PRLR: variants seen among roughly 807,000 people sequenced by gnomAD.
PRLR encodes the protein prolactin receptor.
Under a neutral mutation model 40.2 loss-of-function variants are expected in PRLR, and 13 were observed. The ratio of observed to expected loss-of-function variants is 0.32; its 90% CI spans 0.21 to 0.51. The LOEUF (loss-of-function observed/expected upper bound fraction) is 0.51. Among genes scored for constraint, PRLR ranks in the 20% least tolerant of loss-of-function variants. The pLI, the probability that PRLR is intolerant of heterozygous loss-of-function variation, is 0.97. For missense variants in PRLR, 656 were observed against 747.3 expected (o/e 0.88, Z 1.42); for synonymous variants, 269 against 278.7 (o/e 0.97, Z 0.35).
intron 1 of PRLR, among the ~76,000 whole-genome samples, chr5:35,226,797 G>A (rs1387276369): frequency 6.6e-6 from 1 of 152,150 alleles, no homozygotes; most frequent in African/African-American, 2.4e-5. Context: ...TTTTATTTAT[G>A]TATTTGTTCA....
intron 1 of PRLR, among the ~76,000 whole-genome samples, chr5:35,211,673 G>A (rs1463754985): frequency 6.6e-6 from 1 of 152,112 alleles, no homozygotes; most frequent in Non-Finnish European, 1.5e-5. Context: ...TCACAAGTAC[G>A]CTAAATAAGG....
intron 1 of PRLR, among the ~76,000 whole-genome samples, chr5:35,149,445 C>T (rs1262028131): frequency 1.3e-5 from 2 of 151,908 alleles, no homozygotes; most frequent in Non-Finnish European, 2.9e-5. Context: ...TTGATAATAA[C>T]CTTTGATAAT....
Position 35,083,054 on chromosome 5 carries a change from T to C in PRLR, c.373+1416A>G, listed in dbSNP as rs534251095. ...TTTTGCCTTCAAATATTATAATGCT[T>C]GAGGGTAAGGCAATACACACACACA... On this transcript the variant is annotated intron_variant, in intron 5 of 9. Coordinates refer to ENST00000618457, the MANE Select transcript of PRLR (RefSeq NM_000949.7). 2.7e-5 allele frequency among the ~76,000 whole-genome samples: 4 copies of C among 147,832 alleles called. No individual in the cohort carries two copies. In the East Asian group the frequency reaches 7.9e-4, roughly 29 times the overall value.
At chr5:35,178,559 C>A (rs556261202) in intron 1 of PRLR, among the ~76,000 whole-genome samples, 1 of 152,254 alleles carries the variant, frequency 6.6e-6, no homozygotes, top group Admixed American at 6.5e-5. Context: ...TCTGCCATTA[C>A]ATAAAATGTA....
intron 1 of PRLR, among the ~76,000 whole-genome samples, chr5:35,156,341 A>C (rs1774506384): frequency 6.6e-6 from 1 of 152,042 alleles, no homozygotes; most frequent in Admixed American, 6.5e-5. Context: ...TTAGCCTCCC[A>C]ATGGGTCTCT....
chr5:35,175,525 G>A (rs183615046), intron 1 of PRLR, among the ~76,000 whole-genome samples: 12 of 152,274 alleles, frequency 7.9e-5, no homozygotes, highest in African/African-American at 2.4e-4. Flanking sequence ...AGTGACTTAC[G>A]GAGAGTGTAG....
At chr5:35,118,993 G>C (rs1773177584) in intron 1 of PRLR, among the ~76,000 whole-genome samples, 1 of 151,932 alleles carries the variant, frequency 6.6e-6, no homozygotes, top group Admixed American at 6.6e-5. Context: ...ATGGGGTTTT[G>C]CCATGTTGGC....
In PRLR at chr5:35,062,514, G is replaced by C. The variant is rs1012124675; in HGVS notation, c.*2575C>G. The C allele has an allele frequency of 7.1e-6, 1 of 141,144 alleles. No individual in the cohort carries two copies. Among genetic ancestry groups the C allele is most frequent in the Non-Finnish European group, 1.5e-5 (1 of 67,060 alleles). 8.7% of individuals were successfully genotyped at this position (141,144 alleles called of 1,614,324 possible). On this transcript the variant is annotated 3_prime_UTR_variant, in exon 10 of 10. Coordinates refer to ENST00000618457, the MANE Select transcript of PRLR (RefSeq NM_000949.7). Reference sequence around the variant, plus strand: ...AATTGATCATAGAATTAAAGTCTTGGCCTAATGAGTGGCTAATTGTTTTTT... The same window carrying C: ...AATTGATCATAGAATTAAAGTCTTGCCCTAATGAGTGGCTAATTGTTTTTT...
chr5:35,182,423 A>G lies in PRLR; in HGVS notation c.-106+47845T>C, dbSNP rs181886042. ...AGAAGGAAGGAACAACAGAGAAAGA[A>G]GCAATAAAGAAGAAGGCAATCAGAA... On this transcript the variant is annotated intron_variant, in intron 1 of 9. Coordinates refer to ENST00000618457, the MANE Select transcript of PRLR (RefSeq NM_000949.7). 1.7e-3 allele frequency among the ~76,000 whole-genome samples: 255 copies of G among 152,350 alleles called. 2 individuals are homozygous for G. Among genetic ancestry groups the G allele is most frequent in the Middle Eastern group, 0.01 (3 of 294 alleles).
At chr5:35,091,335 G>A (rs535249764) in intron 2 of PRLR, among the ~76,000 whole-genome samples, 23 of 152,234 alleles carry the variant, frequency 1.5e-4, no homozygotes, top group Admixed American at 5.9e-4. Flanking sequence ...ACTCCTACTG[G>A]GTTTAAAATA....
chr5:35,176,749 G>T (rs1195736677), intron 1 of PRLR, among the ~76,000 whole-genome samples: 5 of 152,208 alleles, frequency 3.3e-5, no homozygotes, highest in African/African-American at 1.2e-4. Context: ...GTGATAGTCT[G>T]AAATACGGCC....
intron 2 of PRLR, among the ~76,000 whole-genome samples, chr5:35,099,054 C>T (rs984189848): frequency 6.6e-6 from 1 of 152,350 alleles, no homozygotes; most frequent in South Asian, 2.1e-4. Context: ...TCCCTACCCT[C>T]TCAGAACCTT....
At chr5:35,130,997 G>C (rs73767527) in intron 1 of PRLR, among the ~76,000 whole-genome samples, 11,280 of 152,108 alleles carry the variant, frequency 0.074, 1,412 homozygotes, top group African/African-American at 0.26. Context: ...AGGGAGCATG[G>C]CCCTGCTGAA....
intron 1 of PRLR, among the ~76,000 whole-genome samples, chr5:35,132,543 C>T (rs2111782556): frequency 6.6e-6 from 1 of 152,278 alleles, no homozygotes; most frequent in South Asian, 2.1e-4. Flanking sequence ...TTCTTGGTAT[C>T]AAATATGGAT....
intron 1 of PRLR, among the ~76,000 whole-genome samples, chr5:35,125,980 G>A (rs1773447862): frequency 6.6e-6 from 1 of 152,114 alleles, no homozygotes; most frequent in Non-Finnish European, 1.5e-5. Flanking sequence ...CAAATTAGTA[G>A]CATGTGTCAA....
At chr5:35,215,260 G>T (rs1401193928) in intron 1 of PRLR, among the ~76,000 whole-genome samples, 1 of 152,192 alleles carries the variant, frequency 6.6e-6, no homozygotes, top group Non-Finnish European at 1.5e-5. Context: ...CTGGTTTGTT[G>T]GTGAAGTACA....
intron 1 of PRLR, among the ~76,000 whole-genome samples, chr5:35,187,540 C>A (rs553615593): frequency 4.5e-4 from 69 of 152,158 alleles, no homozygotes; most frequent in Middle Eastern, 3.4e-3. Context: ...GGTTCTTTGC[C>A]CCTCATTTAG....
intron 7 of PRLR, among the ~76,000 whole-genome samples, 181 bp from the exon 8 acceptor site, chr5:35,069,059 T>A (rs922513593): frequency 6.6e-6 from 1 of 152,216 alleles, no homozygotes; most frequent in Non-Finnish European, 1.5e-5. Context: ...ATTATTAATA[T>A]GTTAATATGT....
chr5:35,122,387 C>G (rs1157904117), intron 1 of PRLR, among the ~76,000 whole-genome samples: 2 of 152,184 alleles, frequency 1.3e-5, no homozygotes, highest in East Asian at 1.9e-4. Flanking sequence ...CTTCCCGATG[C>G]TCTCCCTCCC....
Sources: allele counts gnomAD v4.1 joint callset (sites outside exome capture counted in the v4.1 genomes callset), GRCh38; gene constraint gnomAD v4.1.1; transcripts MANE v1.5; gene names NCBI Gene and HGNC (gene_info 2026-07-23, HGNC 2026-07-21).